RNF44: variants seen among roughly 807,000 people sequenced by gnomAD.
RNF44 encodes the protein ring finger protein 44.
RNF44 carries 25 observed loss-of-function variants against 53.6 expected under a neutral mutation model. The ratio of observed to expected loss-of-function variants is 0.47; its 90% CI spans 0.34 to 0.65. The LOEUF (loss-of-function observed/expected upper bound fraction) is 0.65, where lower values mean the gene tolerates loss of function less well. RNF44 is among the 30% of genes least tolerant of loss of function. The pLI is 0.01. For missense variants in RNF44, 581 were observed against 595.5 expected, an observed-to-expected ratio of 0.98 and a Z score of 0.25; for synonymous variants, 282 against 252.2, an observed-to-expected ratio of 1.12 and a Z score of -1.12.
At position 176,529,663 on chromosome 5, in the gene RNF44, C is replaced by G. The variant is rs201052130; in HGVS notation, c.1015-19G>C. The G allele has an allele frequency of 6.2e-7, 1 of 1,613,040 alleles. No individual in the cohort carries two copies. Among genetic ancestry groups the G allele is most frequent in the African/African-American group, 1.3e-5 (1 of 74,908 alleles). ...GGAGGGCCTGCATGCGGGCAGGAGA[C>G]GGGGTCAGCGGCGCCCAGGGCTGCA... On this transcript the variant is annotated intron_variant, in intron 8 of 10. Transcript: ENST00000274811.
chr5:176,542,980 G>C (rs1298802977), upstream of RNF44, among the ~76,000 whole-genome samples: 1 of 152,134 alleles, frequency 6.6e-6, no homozygotes, highest in African/African-American at 2.4e-5. Context: ...CTCGCCGGGG[G>C]TGGCGGTCGG....
In RNF44 at chr5:176,530,725, T is replaced by C. The variant is rs1160323299; in HGVS notation, c.658A>G (p.Asn220Asp). ...TGGTCCCCACGCAGGTCCACGTCGT[T>C]GTCGAGCCGCTGGAGGGGCTGGAAG... Reference protein sequence around the residue: ...HPRMPLQRLDNDVDLRGDQPS... With the variant: ...HPRMPLQRLDDDVDLRGDQPS... Residue 220 changes from asparagine (N) to aspartate (D), a missense_variant, in exon 6 of 11, where the codon AAC becomes GAC. By Grantham distance (23) the Asn-to-Asp change is conservative. Transcript: ENST00000274811. The C allele has an allele frequency of 1.2e-5, 19 of 1,543,608 alleles. No individual in the cohort carries two copies. The South Asian group carries it at 1.3e-4, about 11-fold the overall frequency.
intron 1 of RNF44, 120 bp from the exon 2 acceptor site, chr5:176,532,636 G>A: frequency 1.2e-6 from 1 of 804,990 alleles, no homozygotes; most frequent in South Asian, 1.9e-5. Flanking sequence ...CCAGCTACTT[G>A]GGAGGCTGAG....
chr5:176,542,108 C>G (rs1757461338), upstream of RNF44, among the ~76,000 whole-genome samples: 1 of 152,210 alleles, frequency 6.6e-6, no homozygotes, highest in Admixed American at 6.5e-5. Context: ...CCTCAGCACT[C>G]GGGCTCCAGT....
intron 1 of RNF44, among the ~76,000 whole-genome samples, chr5:176,532,747 C>CAACAAA (rs1756818684): frequency 1.4e-5 from 1 of 72,592 alleles, no homozygotes; most frequent in Non-Finnish European, 2.5e-5. Flanking sequence ...ACTCCCGTCT[C>CAACAAA]AAAAAAAAAA....
Position 176,531,690 on chromosome 5 carries a change from T to C in RNF44, c.298-60A>G, listed in dbSNP as rs1319665860. 44 of 1,488,410 alleles carry C rather than the reference T, an allele frequency of 3.0e-5. No individual in the cohort carries two copies. Among genetic ancestry groups the C allele is most frequent in the African/African-American group, 5.6e-5 (4 of 71,748 alleles). The allele number at this position is 1,488,410 out of a possible 1,614,324, so 92.2% of individuals were successfully genotyped here. On this transcript the variant is annotated intron_variant, in intron 3 of 10. Coordinates refer to ENST00000274811, the MANE Select transcript of RNF44 (RefSeq NM_014901.5). The surrounding 1 kb of genome is among the most constrained non-coding windows in gnomAD (Gnocchi z 4.2). ...AGGAAGCTGACCGCGAGGGCTACTC[T>C]CAGGAGAAATCATCCTGCCACATCC...
intron 1 of RNF44, among the ~76,000 whole-genome samples, chr5:176,534,952 G>C (rs906856541): frequency 5.9e-5 from 9 of 152,368 alleles, no homozygotes; most frequent in Middle Eastern, 6.8e-3. Context: ...AGTAGTGCCA[G>C]GCCCAAGGCA....
chr5:176,531,984 G>A lies in RNF44; in HGVS notation c.297+20C>T, dbSNP rs368056572. ...ACTGGCTCACAGGGCCAGGGGCACA[G>A]GGGATGGGGTTCTGCCTACCTGCTC... On this transcript the variant is annotated intron_variant, in intron 3 of 10. Coordinates refer to ENST00000274811, the MANE Select transcript of RNF44 (RefSeq NM_014901.5). This position sits in a 1 kb window ranked among gnomAD's most constrained non-coding sequence, Gnocchi z 4.2. 4 of 1,597,750 alleles carry A rather than the reference G, an allele frequency of 2.5e-6. No homozygotes were observed. The highest frequency in any genetic ancestry group is 2.7e-5 in the African/African-American group (2 of 74,338).
At chr5:176,533,442 C>T (rs963248380) in intron 1 of RNF44, among the ~76,000 whole-genome samples, 1 of 152,196 alleles carries the variant, frequency 6.6e-6, no homozygotes, top group Non-Finnish European at 1.5e-5. Context: ...CAAAGCCCCA[C>T]CGTAAAGTGT....
upstream of RNF44, among the ~76,000 whole-genome samples, chr5:176,538,978 C>A (rs1028614476): frequency 4.6e-5 from 7 of 152,102 alleles, no homozygotes; most frequent in African/African-American, 1.7e-4. Context: ...TGCATTATAA[C>A]CCACTGAAAT....
At chr5:176,539,612 T>TGGGAA (rs905457356), upstream of RNF44, among the ~76,000 whole-genome samples, 1 of 151,638 alleles carries the variant, frequency 6.6e-6, no homozygotes, top group African/African-American at 2.4e-5. Flanking sequence ...CGCTTGAACA[T>TGGGAA]GGGAAGTGGA....
At position 176,532,205 on chromosome 5, in the gene RNF44, A is replaced by G. The variant is rs1280338546; in HGVS notation, c.108-12T>C. ...CCTCGAGGCCAGGGCTGCACCACAG[A>G]GAGGAGGCCCCGATAGGACTGAGGG... is the stretch of plus-strand genomic sequence containing the variant. On this transcript the variant is annotated splice_polypyrimidine_tract_variant and intron_variant, in intron 2 of 10. Transcript: ENST00000274811. 2.7e-6 allele frequency: 4 copies of G among 1,503,790 alleles called. No homozygotes were observed. The highest frequency in any genetic ancestry group is 3.5e-6 in the Non-Finnish European group (4 of 1,127,406). 93.2% of individuals were successfully genotyped at this position (1,503,790 alleles called of 1,614,324 possible).
rs1756089610 is a variant in RNF44, at chr5:176,527,048, A to G, written c.*1980T>C. On this transcript the variant is annotated 3_prime_UTR_variant, in exon 11 of 11. Coordinates refer to ENST00000274811, the MANE Select transcript of RNF44 (RefSeq NM_014901.5). Reference sequence around the variant, plus strand: ...AATGTGCAAGGAACAGGGCCCCCAAAATTACATATATTTCTACATATATAT... The same window carrying G: ...AATGTGCAAGGAACAGGGCCCCCAAGATTACATATATTTCTACATATATAT... The G allele has an allele frequency of 6.6e-6, 1 of 152,130 alleles. No individual in the cohort carries two copies. The highest frequency in any genetic ancestry group is 1.5e-5 in the Non-Finnish European group (1 of 67,994). 9.4% of individuals were successfully genotyped at this position (152,130 alleles called of 1,614,324 possible). A position where few individuals can be genotyped will look rare whatever the true frequency, so the allele number is the denominator to read the frequency against.
Position 176,528,790 on chromosome 5 carries a change from A to G in RNF44, c.*238T>C, listed in dbSNP as rs921619593. 12 of 579,540 alleles carry G rather than the reference A, an allele frequency of 2.1e-5. No individual in the cohort carries two copies. Among genetic ancestry groups the G allele is most frequent in the African/African-American group, 1.2e-4 (6 of 51,710 alleles). The allele number at this position is 579,540 out of a possible 1,614,324, so 35.9% of individuals were successfully genotyped here. ...GAGGGAGACCCGATCAGGGACACTCAGGCAGCTCCGTGGCGGGCGGGCAGG... is the reference window on the plus strand; with the variant it reads ...GAGGGAGACCCGATCAGGGACACTCGGGCAGCTCCGTGGCGGGCGGGCAGG... On this transcript the variant is annotated 3_prime_UTR_variant, in exon 11 of 11. Coordinates refer to ENST00000274811, the MANE Select transcript of RNF44 (RefSeq NM_014901.5).
chr5:176,530,000 T>C (rs1453662249), intron 7 of RNF44, 82 bp downstream of exon 7: 5 of 1,475,244 alleles, frequency 3.4e-6, no homozygotes, highest in East Asian at 2.3e-5. Context: ...CTGGGGCCCC[T>C]GGAGCTGTGT....
upstream of RNF44, among the ~76,000 whole-genome samples, chr5:176,541,498 G>A (rs1318031348): frequency 6.6e-6 from 1 of 152,148 alleles, no homozygotes; most frequent in African/African-American, 2.4e-5. Flanking sequence ...CTAGTGGATG[G>A]CTCCAGATCA....
At position 176,530,719 on chromosome 5, in the gene RNF44, C is replaced by G; in HGVS notation, c.664G>C (p.Val222Leu). ...GAGGGCTGGTCCCCACGCAGGTCCA[C>G]GTCGTTGTCGAGCCGCTGGAGGGGC... ...RMPLQRLDND[V>L]DLRGDQPSLG... Residue 222 changes from valine (V) to leucine (L), a missense_variant, in exon 6 of 11, where the codon GTG becomes CTG. Transcript: ENST00000274811. The G allele has an allele frequency of 6.5e-7, 1 of 1,547,024 alleles. No homozygotes were observed. Among genetic ancestry groups the G allele is most frequent in the South Asian group, 1.2e-5 (1 of 82,702 alleles).
At chr5:176,534,122 G>A (rs535061068) in intron 1 of RNF44, among the ~76,000 whole-genome samples, 10 of 152,242 alleles carry the variant, frequency 6.6e-5, no homozygotes, top group Non-Finnish European at 1.3e-4. Context: ...GACCAGCAGA[G>A]GGTGTGGGCA....
Position 176,532,493 on chromosome 5 carries a change from G to GGGGCT in RNF44, c.-26_-22dup. The GGGGCT allele has an allele frequency of 6.5e-7, 1 of 1,549,222 alleles. No homozygotes were observed. Among genetic ancestry groups the GGGGCT allele is most frequent in the Non-Finnish European group, 8.7e-7 (1 of 1,152,230 alleles). On this transcript the variant is annotated 5_prime_UTR_variant, in exon 2 of 11. Transcript: ENST00000274811. ...CGCATCGGGGGGGCAGGGGGGTGGA[G>GGGGCT]GGGCTGGGCCGGGACTCACAACCCT...
Sources: gnomAD v4.1 joint callset for allele counts (sites outside exome capture counted in the v4.1 genomes callset) on GRCh38, gnomAD v4.1.1 for gene constraint, Gnocchi (gnomAD v3.1) non-coding constraint, MANE v1.5 for transcripts, NCBI Gene and HGNC (gene_info 2026-07-23, HGNC 2026-07-21) for gene names.